The following PAQR7 variants were observed in gnomAD, a reference collection of about 807,000 sequenced individuals.
PAQR7 encodes membrane progestin receptor alpha.
A neutral mutation model predicts 24.6 loss-of-function variants in PAQR7; 14 were observed. The ratio of observed to expected loss-of-function variants is 0.57; its 90% CI spans 0.38 to 0.89. PAQR7 has a LOEUF of 0.89. Among genes scored for constraint, PAQR7 ranks in the 40% least tolerant of loss-of-function variants. PAQR7 has a pLI of 0.00. For missense variants in PAQR7, 351 were observed against 444.0 expected, an observed-to-expected ratio of 0.79 and a Z score of 1.88; for synonymous variants, 189 against 198.8, an observed-to-expected ratio of 0.95 and a Z score of 0.42.
Position 25,863,430 on chromosome 1 carries a change from C to T in PAQR7, c.410G>A (p.Ser137Asn). The T allele has an allele frequency of 6.2e-7, 1 of 1,614,214 alleles. No individual in the cohort carries two copies. Among genetic ancestry groups the T allele is most frequent in the Non-Finnish European group, 8.5e-7 (1 of 1,180,038 alleles). ...CCCCACATAGTCCAGGAAGAAGAAG[C>T]TGTAATGCCAGAACTCAGACTTGGC... is the stretch of plus-strand genomic sequence containing the variant. The part of the protein sequence containing the change: ...LQAKSEFWHY[S>N]FFFLDYVGVA... The change falls in exon 3 of 3, where the codon AGC becomes AAC. Residue 137 changes from serine to asparagine, a missense_variant. Physicochemically the swap from Ser to Asn is conservative, Grantham distance 46. Transcript: ENST00000675840. The surrounding 1 kb of genome is among the most constrained non-coding windows in gnomAD (Gnocchi z 6.1).
chr1:25,869,002 CTGTAGTCCCAGCT>C (rs905348001), intron 2 of PAQR7, among the ~76,000 whole-genome samples: 3 of 151,884 alleles, frequency 2.0e-5, no homozygotes, highest in Non-Finnish European at 4.4e-5. Context: ...TGGCACGTGC[CTGTAGTCCCAGCT>C]ACTCGGGAAG....
intron 2 of PAQR7, among the ~76,000 whole-genome samples, chr1:25,866,464 A>G (rs981472605): frequency 1.3e-5 from 2 of 152,196 alleles, no homozygotes; most frequent in African/African-American, 4.8e-5. Flanking sequence ...GGATGGGACA[A>G]AGAACAGAGT....
intron 1 of PAQR7, among the ~76,000 whole-genome samples, chr1:25,872,050 G>A (rs1194507722): frequency 6.6e-6 from 1 of 152,224 alleles, no homozygotes; most frequent in Non-Finnish European, 1.5e-5. Flanking sequence ...ATTTTTATGT[G>A]AGGATGAAAT....
At chr1:25,870,378 AGGGGC>A in intron 2 of PAQR7, among the ~76,000 whole-genome samples, 1 of 152,284 alleles carries the variant, frequency 6.6e-6, no homozygotes, top group East Asian at 1.9e-4. Context: ...GAGGGGCACT[AGGGGC>A]GGGGCTTCCA....
intron 2 of PAQR7, among the ~76,000 whole-genome samples, chr1:25,864,585 T>A (rs1395029235): frequency 6.6e-6 from 1 of 152,204 alleles, no homozygotes. Context: ...TGGCTAGGCA[T>A]GCGGCCTCAC....
chr1:25,867,790 C>T (rs2048569617), intron 2 of PAQR7, among the ~76,000 whole-genome samples: 1 of 152,234 alleles, frequency 6.6e-6, no homozygotes, highest in African/African-American at 2.4e-5. Flanking sequence ...ATTTGCATTC[C>T]TAAGCTCCTC....
intron 2 of PAQR7, among the ~76,000 whole-genome samples, chr1:25,869,806 C>G (rs890957943): frequency 1.3e-5 from 2 of 152,164 alleles, no homozygotes; most frequent in Non-Finnish European, 2.9e-5. Flanking sequence ...AATTCAGTCT[C>G]CCTCAGTTGC....
chr1:25,863,598 G>A lies in PAQR7; in HGVS notation c.242C>T (p.Ala81Val), dbSNP rs752395755. ...CAGCCGCAGCAGCAGTACCAGGGCCGCCAGCAGGTGGGTCCAGACATTCAC... is the reference window on the plus strand; with the variant it reads ...CAGCCGCAGCAGCAGTACCAGGGCCACCAGCAGGTGGGTCCAGACATTCAC... ...EAVNVWTHLL[A>V]ALVLLLRLAL... is the part of the protein sequence containing the mutation. Residue 81 changes from alanine (A) to valine (V), a missense_variant, in exon 3 of 3, where the codon GCG becomes GTG. Transcript: ENST00000675840. This position sits in a 1 kb window ranked among gnomAD's most constrained non-coding sequence, Gnocchi z 6.1. 77 of 1,614,080 alleles carry A rather than the reference G, an allele frequency of 4.8e-5. No individual in the cohort carries two copies. The highest frequency in any genetic ancestry group is 3.3e-4 in the Middle Eastern group (2 of 6,084).
At position 25,863,732 on chromosome 1, in the gene PAQR7, A is replaced by G. The variant is rs1372710514; in HGVS notation, c.108T>C (p.Ala36=). Residue 36 remains alanine (A), a synonymous_variant, in exon 3 of 3, where the codon GCT becomes GCC. Coordinates refer to ENST00000675840, the MANE Select transcript of PAQR7 (RefSeq NM_178422.6). This position sits in a 1 kb window ranked among gnomAD's most constrained non-coding sequence, Gnocchi z 6.1. ...GCTTCCAGAAGAGCGGCGGCACCTC[A>G]GCTCGATCCACCGTGAAGACAGGCT... ...QPEPVFTVDR[A]EVPPLFWKPY... is the part of the protein sequence containing the mutation. 1.2e-6 allele frequency: 2 copies of G among 1,613,970 alleles called. No individual in the cohort carries two copies. Among genetic ancestry groups the G allele is most frequent in the Non-Finnish European group, 1.7e-6 (2 of 1,180,026 alleles).
Position 25,863,555 on chromosome 1 carries a change from G to A in PAQR7, c.285C>T (p.Thr95=), listed in dbSNP as rs61743806. 1,787 of 1,614,160 alleles carry A rather than the reference G, an allele frequency of 1.1e-3. 13 individuals carry two copies. The African/African-American group carries it at 0.02, about 18-fold the overall frequency. ...CGTGTGGGTCTCCCCAGAAGTCCAC[G>A]GTCTCCACAAAGAGGGCCAGCCGCA... ...LLLRLALFVE[T]VDFWGDPHAL... is the part of the protein sequence containing the mutation. Residue 95 remains threonine (T), a synonymous_variant, in exon 3 of 3, where the codon ACC becomes ACT. Transcript: ENST00000675840. The surrounding 1 kb of genome is among the most constrained non-coding windows in gnomAD (Gnocchi z 6.1).
intron 1 of PAQR7, among the ~76,000 whole-genome samples, chr1:25,872,509 ATTTTTTT>A (rs55654329): frequency 1.1e-4 from 12 of 108,914 alleles, no homozygotes; most frequent in Admixed American, 2.0e-4. Context: ...ACACCACAGG[ATTTTTTT>A]TTTTTTTTTT....
At chr1:25,868,632 C>A (rs978761617) in intron 2 of PAQR7, among the ~76,000 whole-genome samples, 2 of 150,830 alleles carry the variant, frequency 1.3e-5, no homozygotes, top group Non-Finnish European at 2.9e-5. Flanking sequence ...ATCCCTTGAG[C>A]CTCAGAGGCA....
intron 2 of PAQR7, among the ~76,000 whole-genome samples, chr1:25,868,816 G>C (rs7552149): frequency 0.095 from 14,268 of 150,724 alleles, 2,175 homozygotes; most frequent in African/African-American, 0.32. Context: ...GATTCCTTCC[G>C]TAGTAATAAT....
chr1:25,862,969 C>T lies in PAQR7; in HGVS notation c.871G>A (p.Glu291Lys), dbSNP rs767872059. The change falls in exon 3 of 3, where the codon GAG becomes AAG. Residue 291 changes from glutamate to lysine, a missense_variant. Physicochemically the swap from Glu to Lys is moderately conservative, Grantham distance 56 (BLOSUM62 1). Transcript: ENST00000675840. ...GCCTCATAGTCCAGTGCCACAGCCT[C>T]CAGCTGAGCCAGCGTGCACAGCACC... ...FLVLCTLAQLEAVALDYEARR... is the reference protein window; with the variant it reads ...FLVLCTLAQLKAVALDYEARR... 1.9e-6 allele frequency: 3 copies of T among 1,614,134 alleles called. No homozygotes were observed. In the South Asian group the frequency reaches 3.3e-5, roughly 18 times the overall value.
chr1:25,863,793 T>C lies in PAQR7; in HGVS notation c.47A>G (p.Gln16Arg). 1 of 1,613,452 alleles carries C rather than the reference T, an allele frequency of 6.2e-7. No individual in the cohort carries two copies. The highest frequency in any genetic ancestry group is 8.5e-7 in the Non-Finnish European group (1 of 1,179,884). Residue 16 changes from glutamine to arginine, a missense_variant, in exon 3 of 3, where the codon CAG becomes CGG. Physicochemically the swap from Gln to Arg is conservative, Grantham distance 43. Coordinates refer to ENST00000675840, the MANE Select transcript of PAQR7 (RefSeq NM_178422.6). The surrounding 1 kb of genome is among the most constrained non-coding windows in gnomAD (Gnocchi z 6.1). ...KLSHLLPSLR[Q>R]VIQEPQLSLQ... is the part of the protein sequence containing the mutation. The stretch of plus-strand genomic sequence containing the variant: ...AGATAGCTGAGGCTCCTGGATGACC[T>C]GCCGCAGACTCGGCAGGAGGTGGCT...
At chr1:25,866,365 C>T (rs1350143298) in intron 2 of PAQR7, among the ~76,000 whole-genome samples, 1 of 152,146 alleles carries the variant, frequency 6.6e-6, no homozygotes, top group African/African-American at 2.4e-5. Flanking sequence ...CCCACTTTCC[C>T]CTGACCTATA....
rs909835617 is a variant in PAQR7, at chr1:25,862,005, A to C, written c.*794T>G. 1 of 131,768 alleles carries C rather than the reference A, an allele frequency of 7.6e-6. No homozygotes were observed. The highest frequency in any genetic ancestry group is 7.5e-5 in the Admixed American group (1 of 13,314). The allele number at this position is 131,768 out of a possible 1,614,324, so 8.2% of individuals were successfully genotyped here. A position where few individuals can be genotyped will look rare whatever the true frequency, so the allele number is the denominator to read the frequency against. ...ACTCCAGCCTAGCCAACAAGAGCGA[A>C]ACTCCTCAAAAAAAAAAAAAAAAAA... On this transcript the variant is annotated 3_prime_UTR_variant, in exon 3 of 3. Coordinates refer to ENST00000675840, the MANE Select transcript of PAQR7 (RefSeq NM_178422.6).
At chr1:25,873,631 G>A (rs2048622701) in intron 1 of PAQR7, among the ~76,000 whole-genome samples, 3 of 151,916 alleles carry the variant, frequency 2.0e-5, no homozygotes, top group Admixed American at 2.0e-4. Flanking sequence ...AGGTTGAAGT[G>A]CAGTGCAGCC....
chr1:25,870,103 G>A (rs942087626), intron 2 of PAQR7, among the ~76,000 whole-genome samples: 8 of 152,230 alleles, frequency 5.3e-5, no homozygotes. Flanking sequence ...AGCAGGGGCA[G>A]GGGTCAAGCC....
Sources: gnomAD v4.1 joint callset for allele counts (sites outside exome capture counted in the v4.1 genomes callset) on GRCh38, gnomAD v4.1.1 for gene constraint, Gnocchi (gnomAD v3.1) non-coding constraint, MANE v1.5 for transcripts, NCBI Gene and HGNC (gene_info 2026-07-23, HGNC 2026-07-21) for gene names.